Variants in NRDC observed in about 807,000 individuals in gnomAD.
The protein encoded by NRDC is nardilysin convertase.
A neutral mutation model predicts 147.1 loss-of-function variants in NRDC; 54 were observed. That is an observed-to-expected ratio of 0.37 (90% confidence interval 0.29 to 0.46). The LOEUF (loss-of-function observed/expected upper bound fraction) is 0.46. NRDC is among the 20% of genes least tolerant of loss of function. The pLI is 1.00. For synonymous variants in NRDC, 440 were observed against 482.1 expected, an observed-to-expected ratio of 0.91 and a Z score of 1.14; for missense variants, 1,082 against 1,370.6, an observed-to-expected ratio of 0.79 and a Z score of 3.33.
intron 1 of NRDC, among the ~76,000 whole-genome samples, chr1:51,851,629 G>A (rs1040468114): frequency 6.6e-6 from 1 of 151,878 alleles, no homozygotes; most frequent in African/African-American, 2.4e-5. Context: ...GCCTGAAAAG[G>A]GGAACCTTTA....
At chr1:51,846,665 A>T (rs367745557) in intron 1 of NRDC, among the ~76,000 whole-genome samples, 1 of 152,338 alleles carries the variant, frequency 6.6e-6, no homozygotes, top group Non-Finnish European at 1.5e-5. Flanking sequence ...TATAGCTCAT[A>T]AAGGTAGTGA....
chr1:51,842,339 T>G (rs958360544), intron 1 of NRDC, among the ~76,000 whole-genome samples: 1 of 151,978 alleles, frequency 6.6e-6, no homozygotes, highest in Non-Finnish European at 1.5e-5. Flanking sequence ...ACATGCAAAT[T>G]TGATCAGATT....
At chr1:51,829,249 T>C (rs1157221634) in intron 4 of NRDC, among the ~76,000 whole-genome samples, 3 of 152,182 alleles carry the variant, frequency 2.0e-5, no homozygotes, top group African/African-American at 7.2e-5. Context: ...CCTCACCATG[T>C]TACCCAGACT....
At chr1:51,859,589 T>C (rs1190200144) in intron 1 of NRDC, among the ~76,000 whole-genome samples, 2 of 152,196 alleles carry the variant, frequency 1.3e-5, no homozygotes, top group African/African-American at 2.4e-5. Context: ...TGTCATGAGG[T>C]CTACAGCTGT....
At chr1:51,830,187 A>G (rs1185448653) in intron 4 of NRDC, among the ~76,000 whole-genome samples, 1 of 151,252 alleles carries the variant, frequency 6.6e-6, no homozygotes, top group Non-Finnish European at 1.5e-5. Context: ...CTGGTTTCAA[A>G]CTCCTGACCT....
At chr1:51,827,430 A>G (rs1224246145) in intron 5 of NRDC, among the ~76,000 whole-genome samples, 1 of 152,222 alleles carries the variant, frequency 6.6e-6, no homozygotes, top group Non-Finnish European at 1.5e-5. Context: ...TACAATGGTG[A>G]TATTTATTGG....
chr1:51,871,703 CAAAACA>C (rs1683093737), intron 1 of NRDC, among the ~76,000 whole-genome samples: 1 of 151,852 alleles, frequency 6.6e-6, no homozygotes, highest in Non-Finnish European at 1.5e-5. Flanking sequence ...ACACAAATGA[CAAAACA>C]AAAAGTCATA....
At chr1:51,831,933 A>T (rs1046055273) in intron 4 of NRDC, among the ~76,000 whole-genome samples, 4 of 152,334 alleles carry the variant, frequency 2.6e-5, no homozygotes, top group East Asian at 1.9e-4. Flanking sequence ...CTCCAAAAAA[A>T]AAATAAATAA....
At position 51,794,553 on chromosome 1, in the gene NRDC, C is replaced by T. The variant is rs774927328; in HGVS notation, c.2694G>A (p.Glu898=). The part of the protein sequence containing the change: ...QEMPVQFQVV[E]LPSGHHLCKV... ...TGCATAGATGGTGGCCACTGGGCAG[C>T]TCTACCACCTGGAACTGCACAGGCA... Residue 898 remains glutamate (E), a synonymous_variant, in exon 24 of 31, where the codon GAG becomes GAA. Coordinates refer to ENST00000352171, the MANE Select transcript of NRDC (RefSeq NM_001101662.2). The T allele has an allele frequency of 7.6e-5, 122 of 1,614,158 alleles. 1 individual carries two copies. Among genetic ancestry groups the T allele is most frequent in the Middle Eastern group, 4.9e-4 (3 of 6,062 alleles).
At chr1:51,838,339 C>A (rs1256384422) in intron 2 of NRDC, among the ~76,000 whole-genome samples, 1 of 152,140 alleles carries the variant, frequency 6.6e-6, no homozygotes, top group Non-Finnish European at 1.5e-5. Context: ...ACCAAAAAGG[C>A]TGAACAGACA....
At chr1:51,846,657 T>C (rs187436571) in intron 1 of NRDC, among the ~76,000 whole-genome samples, 36 of 152,350 alleles carry the variant, frequency 2.4e-4, no homozygotes, top group Non-Finnish European at 4.1e-4. Context: ...GTGAGTGTTA[T>C]AGCTCATAAA....
intron 1 of NRDC, among the ~76,000 whole-genome samples, chr1:51,855,938 T>G (rs745724332): frequency 6.6e-5 from 10 of 151,754 alleles, no homozygotes; most frequent in Admixed American, 5.3e-4. Context: ...AGATGTCAAA[T>G]AAAATGATGC....
intron 1 of NRDC, among the ~76,000 whole-genome samples, chr1:51,860,804 T>C (rs1682491851): frequency 6.6e-6 from 1 of 152,212 alleles, no homozygotes; most frequent in Admixed American, 6.5e-5. Flanking sequence ...GTAGCTAGAA[T>C]ATTACAAGAG....
At chr1:51,797,409 G>A (rs970085558) in intron 22 of NRDC, among the ~76,000 whole-genome samples, 9 of 152,206 alleles carry the variant, frequency 5.9e-5, no homozygotes, top group Admixed American at 5.2e-4. Flanking sequence ...TCCTATGAGT[G>A]GAATCATATC....
At chr1:51,852,618 G>A (rs2124006656) in intron 1 of NRDC, among the ~76,000 whole-genome samples, 1 of 7,318 alleles carries the variant, frequency 1.4e-4, no homozygotes, top group East Asian at 4.8e-3. Flanking sequence ...AGTTTTTTAT[G>A]TGAGCCTCCA....
intron 7 of NRDC, among the ~76,000 whole-genome samples, chr1:51,821,851 A>G (rs1189649799): frequency 6.6e-6 from 1 of 152,188 alleles, no homozygotes; most frequent in Non-Finnish European, 1.5e-5. Context: ...GTGAAGGACC[A>G]AGAGATAAGA....
At position 51,823,359 on chromosome 1, in the gene NRDC, G is replaced by A. The variant is rs1680291605; in HGVS notation, c.1159+305C>T. On this transcript the variant is annotated intron_variant, in intron 7 of 30. Coordinates refer to ENST00000352171, the MANE Select transcript of NRDC (RefSeq NM_001101662.2). Reference sequence around the variant, plus strand: ...CACAGATACAATTGCAGCTGAAGGTGGCTTAAAAGATCAATTCATGACCTA... The same window carrying A: ...CACAGATACAATTGCAGCTGAAGGTAGCTTAAAAGATCAATTCATGACCTA... Among the ~76,000 whole-genome samples the A allele has an allele frequency of 3.9e-5, 6 of 152,088 alleles. No individual in the cohort carries two copies. The South Asian group carries it at 1.2e-3, about 31-fold the overall frequency.
chr1:51,868,484 A>G (rs577775213), intron 1 of NRDC, among the ~76,000 whole-genome samples: 1 of 152,326 alleles, frequency 6.6e-6, no homozygotes, highest in African/African-American at 2.4e-5. Context: ...GAAGGAATAA[A>G]ATGAGAGAAT....
At chr1:51,794,879 C>T in intron 22 of NRDC, 25 bp from the exon 23 acceptor site, 1 of 1,613,138 alleles carries the variant, frequency 6.2e-7, no homozygotes, top group Non-Finnish European at 8.5e-7. Flanking sequence ...AGAATAACTA[C>T]ATTAAGCTCT....
Sources: gnomAD v4.1 joint callset for allele counts (sites outside exome capture counted in the v4.1 genomes callset) on GRCh38, gnomAD v4.1.1 for gene constraint, MANE v1.5 for transcripts, NCBI Gene and HGNC (gene_info 2026-07-23, HGNC 2026-07-21) for gene names.